EIF2AK3: variants seen among roughly 807,000 people sequenced by gnomAD.
EIF2AK3 encodes the protein eukaryotic translation initiation factor 2 alpha kinase 3, also known as eukaryotic translation initiation factor 2-alpha kinase 3.
In EIF2AK3, 50 loss-of-function variants were observed where a neutral mutation model predicts 113.5. The observed-to-expected ratio is 0.44, with a 90% CI of 0.35 to 0.56. The LOEUF (loss-of-function observed/expected upper bound fraction) is 0.56. EIF2AK3 is among the 20% of genes least tolerant of loss of function. The probability of loss-of-function intolerance (pLI) is 0.00; values close to 1 mark genes in which losing one functional copy is unlikely to be tolerated. For synonymous variants in EIF2AK3, 448 were observed against 495.4 expected (o/e 0.90, Z 1.27); for missense variants, 1,185 against 1,378.0 (o/e 0.86, Z 2.22).
At chr2:88,586,715 C>T (rs1159520983) in intron 8 of EIF2AK3, among the ~76,000 whole-genome samples, 1 of 151,370 alleles carries the variant, frequency 6.6e-6, no homozygotes, top group African/African-American at 2.4e-5. Context: ...CCTCAGCCTC[C>T]TGAGCAGCTG....
At chr2:88,564,930 C>T (rs1558644066) in intron 14 of EIF2AK3, among the ~76,000 whole-genome samples, 2 of 152,024 alleles carry the variant, frequency 1.3e-5, no homozygotes, top group Non-Finnish European at 2.9e-5. Flanking sequence ...CATTAATAAG[C>T]ATCCAGATAG....
intron 9 of EIF2AK3, among the ~76,000 whole-genome samples, 160 bp from the exon 10 acceptor site, chr2:88,583,702 A>T (rs1674651062): frequency 6.6e-6 from 1 of 152,220 alleles, no homozygotes; most frequent in Middle Eastern, 3.2e-3. Context: ...CTTTATTATA[A>T]AAGAAAAAAA....
intron 15 of EIF2AK3, among the ~76,000 whole-genome samples, chr2:88,559,510 C>CTGTGTG (rs141821640): frequency 0.09 from 12,765 of 141,262 alleles, 733 homozygotes; most frequent in African/African-American, 0.16. Context: ...ACCAAGATGA[C>CTGTGTG]TGTGTGTGTG....
chr2:88,574,889 A>G lies in EIF2AK3; in HGVS notation c.2594T>C (p.Leu865Ser). 1 of 1,614,244 alleles carries G rather than the reference A, an allele frequency of 6.2e-7. No individual in the cohort carries two copies. The highest frequency in any genetic ancestry group is 2.2e-5 in the East Asian group (1 of 44,886). The part of the protein sequence containing the change: ...ISPPRPTTLS[L>S]DLTKNTTEKL... Reference sequence around the variant, plus strand: ...TTCTGTGGTGTTTTTAGTGAGATCTAAACTTAAAGTGGTTGGTCTTGGAGG... The same window carrying G: ...TTCTGTGGTGTTTTTAGTGAGATCTGAACTTAAAGTGGTTGGTCTTGGAGG... Residue 865 changes from leucine to serine, a missense_variant, in exon 13 of 17, where the codon TTA becomes TCA. Leu to Ser is a moderately radical substitution (Grantham distance 145). Coordinates refer to ENST00000303236, the MANE Select transcript of EIF2AK3 (RefSeq NM_004836.7).
At chr2:88,581,730 T>C (rs1374444398) in intron 10 of EIF2AK3, among the ~76,000 whole-genome samples, 1 of 152,224 alleles carries the variant, frequency 6.6e-6, no homozygotes, top group East Asian at 1.9e-4. Context: ...ATATTAGTAT[T>C]TTTATTAGCA....
upstream of EIF2AK3, chr2:88,627,777 G>T (rs1266649905): frequency 6.5e-6 from 1 of 153,694 alleles, no homozygotes; most frequent in Non-Finnish European, 1.5e-5. Flanking sequence ...AAAGCGAGGC[G>T]CTGGAGAAGA....
intron 15 of EIF2AK3, 127 bp downstream of exon 15, chr2:88,562,162 C>A: frequency 2.7e-6 from 2 of 735,686 alleles, no homozygotes; most frequent in South Asian, 1.6e-5. Context: ...TTACTCACAT[C>A]ACCTCTTTCA....
intron 9 of EIF2AK3, among the ~76,000 whole-genome samples, chr2:88,585,209 C>T (rs1385141090): frequency 6.6e-6 from 1 of 151,896 alleles, no homozygotes; most frequent in African/African-American, 2.4e-5. Flanking sequence ...AGGAAGGATT[C>T]GACAGAACTT....
intron 10 of EIF2AK3, among the ~76,000 whole-genome samples, chr2:88,582,670 C>T (rs901763113): frequency 1.3e-5 from 2 of 151,960 alleles, no homozygotes; most frequent in African/African-American, 4.8e-5. Flanking sequence ...TATATATGCA[C>T]ATCTTGTCAT....
intron 14 of EIF2AK3, 44 bp downstream of exon 14, chr2:88,570,830 T>G: frequency 6.2e-7 from 1 of 1,607,604 alleles, no homozygotes; most frequent in South Asian, 1.1e-5. Context: ...ATTCATCAGG[T>G]ACATCTGCTG....
At chr2:88,562,012 T>G (rs1673976437) in intron 15 of EIF2AK3, among the ~76,000 whole-genome samples, 1 of 152,228 alleles carries the variant, frequency 6.6e-6, no homozygotes, top group Non-Finnish European at 1.5e-5. Flanking sequence ...AGATTTTTAC[T>G]TATAACAAAC....
Position 88,557,753 on chromosome 2 carries a change from G to A in EIF2AK3, c.3334C>T (p.Pro1112Ser). Residue 1112 changes from proline to serine, a missense_variant, in exon 17 of 17, where the codon CCT (proline) becomes TCT (serine). Physicochemically the swap from Pro to Ser is moderately conservative, Grantham distance 74 (BLOSUM62 -1). Around this residue, in one of 3 missense-constraint regions of EIF2AK3, gnomAD observed 877 missense variants for 1,024.2 expected, o/e 0.86. Coordinates refer to ENST00000303236, the MANE Select transcript of EIF2AK3 (RefSeq NM_004836.7). ...ACTTAAGGCTAATTGCTTGGCAAAGGGCTATGGGAGTTGTTGGACTGTCTT... is the reference window on the plus strand; with the variant it reads ...ACTTAAGGCTAATTGCTTGGCAAAGAGCTATGGGAGTTGTTGGACTGTCTT... ...HSRQSNNSHSPLPSN is the reference protein window; with the variant it reads ...HSRQSNNSHSSLPSN The A allele has an allele frequency of 6.2e-7, 1 of 1,614,102 alleles. No individual in the cohort carries two copies. Among genetic ancestry groups the A allele is most frequent in the Non-Finnish European group, 8.5e-7 (1 of 1,179,984 alleles).
chr2:88,587,074 G>A (rs1189645456), intron 8 of EIF2AK3, among the ~76,000 whole-genome samples: 5 of 151,142 alleles, frequency 3.3e-5, no homozygotes, highest in South Asian at 2.1e-4. Context: ...GCGTGGTGGC[G>A]TGCATCTGTA....
intron 2 of EIF2AK3, among the ~76,000 whole-genome samples, chr2:88,611,839 G>A (rs950047915): frequency 2.6e-5 from 4 of 152,074 alleles, no homozygotes; most frequent in African/African-American, 9.7e-5. Context: ...TGGCCAGGCT[G>A]GTCTCAAACT....
At chr2:88,588,493 T>C (rs1674795625) in intron 7 of EIF2AK3, among the ~76,000 whole-genome samples, 1 of 152,202 alleles carries the variant, frequency 6.6e-6, no homozygotes, top group African/African-American at 2.4e-5. Context: ...TACTTTGGCA[T>C]GGTCAGGGAA....
At chr2:88,576,094 A>C (rs1037062360) in intron 12 of EIF2AK3, among the ~76,000 whole-genome samples, 6 of 152,220 alleles carry the variant, frequency 3.9e-5, no homozygotes, top group Non-Finnish European at 8.8e-5. Flanking sequence ...AGGAGCTGTA[A>C]ATTGTTAACT....
At chr2:88,575,955 T>C (rs1483085714) in intron 12 of EIF2AK3, among the ~76,000 whole-genome samples, 1 of 152,256 alleles carries the variant, frequency 6.6e-6, no homozygotes, top group East Asian at 1.9e-4. Context: ...TACACATGCT[T>C]CCTTTTTCTT....
chr2:88,614,255 A>G (rs1234883259), intron 1 of EIF2AK3, among the ~76,000 whole-genome samples: 4 of 152,186 alleles, frequency 2.6e-5, no homozygotes, highest in African/African-American at 4.8e-5. Context: ...CTACAGAAGC[A>G]CAGATAATTT....
intron 1 of EIF2AK3, among the ~76,000 whole-genome samples, chr2:88,614,069 T>C (rs892214559): frequency 1.3e-5 from 2 of 152,118 alleles, no homozygotes; most frequent in Non-Finnish European, 2.9e-5. Flanking sequence ...CCCTGACTCA[T>C]AGGTCACCCT....
Sources: gnomAD v4.1 joint callset for allele counts (sites outside exome capture counted in the v4.1 genomes callset) on GRCh38, gnomAD v4.1.1 for gene constraint, gnomAD v4.1.1 regional missense constraint, MANE v1.5 for transcripts, NCBI Gene and HGNC (gene_info 2026-07-23, HGNC 2026-07-21) for gene names.